Variants in TUSC7 observed in about 807,000 individuals in gnomAD.
The protein encoded by TUSC7 is tumor suppressor candidate 7.
intron 1 of TUSC7, among the ~76,000 whole-genome samples, chr3:116,711,299 C>T (rs879483581): frequency 6.6e-6 from 1 of 152,140 alleles, no homozygotes; most frequent in Non-Finnish European, 1.5e-5. Context: ...TTTCTCTCTT[C>T]ATCCTCCTTA....
intron 1 of TUSC7, chr3:116,710,163 A>G (rs2051451172): frequency 6.6e-6 from 1 of 152,312 alleles, no homozygotes; most frequent in Non-Finnish European, 1.5e-5. Flanking sequence ...GTGGTATTGT[A>G]TATATGCCCA....
intron 1 of TUSC7, among the ~76,000 whole-genome samples, chr3:116,715,250 C>T (rs1008377767): frequency 6.6e-6 from 1 of 152,100 alleles, no homozygotes; most frequent in Admixed American, 6.5e-5. Context: ...TTGGTTACTT[C>T]TAAGTTTTGG....
chr3:116,711,379 G>A (rs932339330), intron 1 of TUSC7, among the ~76,000 whole-genome samples: 1 of 152,098 alleles, frequency 6.6e-6, no homozygotes, highest in Non-Finnish European at 1.5e-5. Flanking sequence ...CCAGGCTTCT[G>A]CTAGATTCTA....
At chr3:116,713,876 G>T (rs546361352) in intron 1 of TUSC7, among the ~76,000 whole-genome samples, 5 of 152,284 alleles carry the variant, frequency 3.3e-5, no homozygotes, top group Non-Finnish European at 5.9e-5. Flanking sequence ...TGAGCCAGGA[G>T]AATCACTTGA....
chr3:116,714,374 C>A (rs2051487794), intron 1 of TUSC7, among the ~76,000 whole-genome samples: 1 of 152,218 alleles, frequency 6.6e-6, no homozygotes, highest in South Asian at 2.1e-4. Flanking sequence ...ACAGTACCAT[C>A]TACTTAGAGC....
chr3:116,716,479 G>A (rs1576302391), intron 1 of TUSC7: 1 of 152,114 alleles, frequency 6.6e-6, no homozygotes, highest in South Asian at 2.1e-4. Context: ...GAGATACAAA[G>A]GGAAAAGTGT....
At chr3:116,709,802 C>T (rs1030255739) in exon 1 of TUSC7, 2 of 152,244 alleles carry the variant, frequency 1.3e-5, no homozygotes, top group Admixed American at 1.3e-4. Context: ...TACCAAAGTC[C>T]ACTCTGAGCT....
rs189397107 is a variant in TUSC7, at chr3:116,712,631, A to G, written n.98+2755A>G. Reference sequence around the variant, plus strand: ...TATGAAAACTGTCTACAAGCATTTGAAGAATATAAACACCAAGGGAAGAGA... The same window carrying G: ...TATGAAAACTGTCTACAAGCATTTGGAGAATATAAACACCAAGGGAAGAGA... On this transcript the variant is annotated intron_variant and non_coding_transcript_variant, in intron 1 of 2. Coordinates refer to ENST00000477805, the Ensembl canonical transcript of TUSC7. 2.7e-3 allele frequency: 404 copies of G among 152,338 alleles called. 4 individuals are homozygous for G. The highest frequency in any genetic ancestry group is 9.3e-3 in the African/African-American group (386 of 41,572). 9.4% of individuals were successfully genotyped at this position (152,338 alleles called of 1,614,324 possible).
chr3:116,712,337 C>T (rs542023715), intron 1 of TUSC7: 1 of 152,278 alleles, frequency 6.6e-6, no homozygotes, highest in East Asian at 1.9e-4. Context: ...GTTACTGTTT[C>T]CTTTTCCTTT....
intron 1 of TUSC7, among the ~76,000 whole-genome samples, chr3:116,711,219 A>G (rs1559924267): frequency 6.6e-6 from 1 of 152,304 alleles, no homozygotes; most frequent in East Asian, 1.9e-4. Context: ...AGTTCTAAGA[A>G]GTAAGGGCAT....
intron 1 of TUSC7, among the ~76,000 whole-genome samples, chr3:116,715,366 G>A (rs916482301): frequency 2.0e-5 from 3 of 152,152 alleles, no homozygotes; most frequent in South Asian, 2.1e-4. Context: ...TGGATAGTAT[G>A]TAAGATTACA....
intron 1 of TUSC7, among the ~76,000 whole-genome samples, chr3:116,711,231 C>G (rs920740109): frequency 6.6e-6 from 1 of 152,108 alleles, no homozygotes; most frequent in Non-Finnish European, 1.5e-5. Context: ...TAAGGGCATG[C>G]AGATTTATTT....
intron 1 of TUSC7, chr3:116,714,152 T>TG (rs2051486214): frequency 6.7e-6 from 1 of 149,540 alleles, no homozygotes; most frequent in East Asian, 2.0e-4. Context: ...GGGAAACAGG[T>TG]AAAAAAAAAA....
At chr3:116,714,014 T>C (rs1385604036) in intron 1 of TUSC7, 1 of 152,022 alleles carries the variant, frequency 6.6e-6, no homozygotes, top group Non-Finnish European at 1.5e-5. Context: ...ATATTCTATG[T>C]TTCCTTTTTT....
At chr3:116,711,668 G>T (rs2051464386) in intron 1 of TUSC7, among the ~76,000 whole-genome samples, 1 of 152,144 alleles carries the variant, frequency 6.6e-6, no homozygotes, top group Non-Finnish European at 1.5e-5. Context: ...ATCAAGCACA[G>T]TTCAATGAGT....
intron 1 of TUSC7, among the ~76,000 whole-genome samples, chr3:116,714,387 G>A (rs1258269785): frequency 6.6e-6 from 1 of 152,186 alleles, no homozygotes; most frequent in Non-Finnish European, 1.5e-5. Flanking sequence ...CTTAGAGCTA[G>A]TCTGCATCTT....
chr3:116,715,963 C>A (rs956557436), intron 1 of TUSC7, among the ~76,000 whole-genome samples: 2 of 152,086 alleles, frequency 1.3e-5, no homozygotes, highest in Non-Finnish European at 2.9e-5. Flanking sequence ...AAATGTGTTT[C>A]CAAGTTCATG....
At chr3:116,712,902 A>C (rs971128215) in intron 1 of TUSC7, 3 of 152,134 alleles carry the variant, frequency 2.0e-5, no homozygotes, top group Admixed American at 6.5e-5. Flanking sequence ...TAGACATATA[A>C]TATTTGAGCT....
chr3:116,712,914 T>C (rs1002537772), intron 1 of TUSC7: 3 of 152,184 alleles, frequency 2.0e-5, no homozygotes, highest in Non-Finnish European at 4.4e-5. Context: ...ATTTGAGCTG[T>C]CTTTTTCAGC....
Sources: allele counts gnomAD v4.1 joint callset (sites outside exome capture counted in the v4.1 genomes callset), GRCh38; gene constraint gnomAD v4.1.1; transcripts MANE v1.5; gene names NCBI Gene and HGNC (gene_info 2026-07-23, HGNC 2026-07-21).